Variants in ASAP1 observed in about 807,000 individuals in gnomAD.
The protein encoded by ASAP1 is ArfGAP with SH3 domain, ankyrin repeat and PH domain 1.
ASAP1 carries 43 observed loss-of-function variants against 145.2 expected under a neutral mutation model. That is an observed-to-expected ratio of 0.30 (90% confidence interval 0.23 to 0.38). The LOEUF (loss-of-function observed/expected upper bound fraction) is 0.38, where lower values mean the gene tolerates loss of function less well. ASAP1 is among the 10% of genes least tolerant of loss of function. ASAP1 has a pLI of 1.00. For missense variants in ASAP1, 1,018 were observed against 1,355.3 expected, an observed-to-expected ratio of 0.75 and a Z score of 3.91; for synonymous variants, 546 against 515.5, an observed-to-expected ratio of 1.06 and a Z score of -0.80.
intron 24 of ASAP1, among the ~76,000 whole-genome samples, chr8:130,107,901 A>G (rs1286169350): frequency 1.3e-5 from 2 of 152,190 alleles, no homozygotes; most frequent in African/African-American, 4.8e-5. Context: ...GAAGAGGAGA[A>G]GGTGATGCTG....
chr8:130,434,185 G>A (rs72726225), intron 1 of ASAP1, among the ~76,000 whole-genome samples: 5,172 of 152,210 alleles, frequency 0.034, 118 homozygotes, highest in Middle Eastern at 0.078. Context: ...GCCTGGTGGC[G>A]CACACCTGTG....
chr8:130,189,532 T>C (rs1814988008), intron 5 of ASAP1, among the ~76,000 whole-genome samples: 2 of 152,226 alleles, frequency 1.3e-5, no homozygotes, highest in African/African-American at 4.8e-5. Context: ...ATATATACTG[T>C]ATTTTCTTTA....
At chr8:130,364,988 C>T (rs1313704227) in intron 2 of ASAP1, among the ~76,000 whole-genome samples, 1 of 152,156 alleles carries the variant, frequency 6.6e-6, no homozygotes, top group Non-Finnish European at 1.5e-5. Flanking sequence ...AACAAACAAA[C>T]ACCTTGTATC....
intron 2 of ASAP1, among the ~76,000 whole-genome samples, chr8:130,400,204 T>G (rs1382668198): frequency 6.6e-6 from 1 of 152,126 alleles, no homozygotes; most frequent in Non-Finnish European, 1.5e-5. Flanking sequence ...CCACACACTT[T>G]CCACTACGCG....
chr8:130,091,843 C>G, intron 25 of ASAP1, 130 bp downstream of exon 25: 1 of 996,054 alleles, frequency 1.0e-6, no homozygotes. Context: ...GTCATATATA[C>G]CCGAGTCAGC....
intron 3 of ASAP1, among the ~76,000 whole-genome samples, chr8:130,273,548 T>G (rs1820706595): frequency 6.6e-6 from 1 of 152,182 alleles, no homozygotes; most frequent in East Asian, 1.9e-4. Flanking sequence ...CAGCCAGGCT[T>G]CTGAACCCAG....
At chr8:130,216,122 C>G (rs1816915593) in intron 4 of ASAP1, among the ~76,000 whole-genome samples, 1 of 152,104 alleles carries the variant, frequency 6.6e-6, no homozygotes, top group Non-Finnish European at 1.5e-5. Context: ...GTAGAAAATT[C>G]TCCTTGGAAA....
At chr8:130,328,295 C>CTA (rs1824464736) in intron 3 of ASAP1, among the ~76,000 whole-genome samples, 1 of 152,174 alleles carries the variant, frequency 6.6e-6, no homozygotes, top group Admixed American at 6.5e-5. Flanking sequence ...AGACCAAAGA[C>CTA]TATGCTCTTA....
At chr8:130,235,104 TACTTG>T (rs910583445) in intron 4 of ASAP1, among the ~76,000 whole-genome samples, 2 of 152,148 alleles carry the variant, frequency 1.3e-5, no homozygotes, top group African/African-American at 4.8e-5. Flanking sequence ...TTAAATAATA[TACTTG>T]ACTTGAACAA....
intron 1 of ASAP1, among the ~76,000 whole-genome samples, chr8:130,438,846 G>A (rs984738650): frequency 6.6e-6 from 1 of 152,168 alleles, no homozygotes; most frequent in Non-Finnish European, 1.5e-5. Flanking sequence ...ACGGTAAGAT[G>A]TCCCTGACCC....
At position 130,443,598 on chromosome 8, in the gene ASAP1, T is replaced by G. The variant is rs1830570450; in HGVS notation, c.-166A>C. 1 of 150,830 alleles carries G rather than the reference T, an allele frequency of 6.6e-6. No homozygotes were observed. The highest frequency in any genetic ancestry group is 2.1e-4 in the South Asian group (1 of 4,828). The allele number at this position is 150,830 out of a possible 1,614,324, so 9.3% of individuals were successfully genotyped here. On this transcript the variant is annotated 5_prime_UTR_variant, in exon 1 of 30. Coordinates refer to ENST00000518721, the MANE Select transcript of ASAP1 (RefSeq NM_018482.4). ...GGGCCCGGGGCTGCCCAGCGCACAGTGCTCGCCCGCGGCAGCGGCCAGGCC... is the reference window on the plus strand; with the variant it reads ...GGGCCCGGGGCTGCCCAGCGCACAGGGCTCGCCCGCGGCAGCGGCCAGGCC...
intron 1 of ASAP1, among the ~76,000 whole-genome samples, chr8:130,415,016 C>T (rs1469711944): frequency 6.6e-6 from 1 of 152,366 alleles, no homozygotes; most frequent in South Asian, 2.1e-4. Flanking sequence ...CCTTGGCCTC[C>T]CAAAGTGCTG....
At chr8:130,139,462 A>G (rs553590629) in intron 13 of ASAP1, among the ~76,000 whole-genome samples, 1 of 152,348 alleles carries the variant, frequency 6.6e-6, no homozygotes, top group Non-Finnish European at 1.5e-5. Context: ...GTGGTGTCTC[A>G]TGCCTGTAAT....
intron 4 of ASAP1, among the ~76,000 whole-genome samples, chr8:130,228,947 C>T (rs1817748947): frequency 1.3e-5 from 2 of 152,044 alleles, no homozygotes; most frequent in African/African-American, 4.8e-5. Context: ...CCCCCAGCAC[C>T]CATACAGCTC....
At chr8:130,069,633 T>C (rs533894472) in intron 27 of ASAP1, 1 of 152,352 alleles carries the variant, frequency 6.6e-6, no homozygotes, top group South Asian at 2.1e-4. Context: ...TTTTAGCATA[T>C]GTGCTGCCGA....
At chr8:130,169,670 A>C (rs900202668) in intron 9 of ASAP1, among the ~76,000 whole-genome samples, 1 of 152,234 alleles carries the variant, frequency 6.6e-6, no homozygotes, top group Non-Finnish European at 1.5e-5. Context: ...ACAAGAATTA[A>C]TATCTGTGGA....
intron 24 of ASAP1, among the ~76,000 whole-genome samples, chr8:130,107,493 CTCTTTT>C: frequency 6.8e-6 from 1 of 146,448 alleles, no homozygotes; most frequent in East Asian, 2.0e-4. Flanking sequence ...CCCATAGTCT[CTCTTTT>C]TTTTTTTTTT....
intron 24 of ASAP1, among the ~76,000 whole-genome samples, chr8:130,093,275 G>T (rs1213683521): frequency 6.6e-6 from 1 of 152,164 alleles, no homozygotes; most frequent in Admixed American, 6.5e-5. Flanking sequence ...GCTGGTGTGT[G>T]CCAGGTATTC....
intron 3 of ASAP1, among the ~76,000 whole-genome samples, chr8:130,274,780 C>T (rs1241935846): frequency 6.6e-6 from 1 of 152,198 alleles, no homozygotes; most frequent in Non-Finnish European, 1.5e-5. Flanking sequence ...TGTTCTCTGG[C>T]ATAGAATCTT....
Sources: allele counts gnomAD v4.1 joint callset (sites outside exome capture counted in the v4.1 genomes callset), GRCh38; gene constraint gnomAD v4.1.1; transcripts MANE v1.5; gene names NCBI Gene and HGNC (gene_info 2026-07-23, HGNC 2026-07-21).